Variants in TLL1 observed in about 807,000 individuals in gnomAD.
TLL1 encodes tolloid like 1, also known as tolloid-like protein 1.
A neutral mutation model predicts 128.2 loss-of-function variants in TLL1; 49 were observed. That is an observed-to-expected ratio of 0.38 (90% CI 0.30 to 0.48). The LOEUF is 0.48. Ranked by LOEUF, TLL1 falls within the 20% of genes least tolerant of loss-of-function variation. The pLI, the probability that TLL1 is intolerant of heterozygous loss-of-function variation, is 0.96. For missense variants in TLL1, 1,123 were observed against 1,242.0 expected, an observed-to-expected ratio of 0.90 and a Z score of 1.44; for synonymous variants, 454 against 418.8, an observed-to-expected ratio of 1.08 and a Z score of -1.03.
chr4:166,085,406 C>T (rs1579724042), intron 18 of TLL1, among the ~76,000 whole-genome samples: 1 of 151,380 alleles, frequency 6.6e-6, no homozygotes, highest in Non-Finnish European at 1.5e-5. Context: ...ATAATGTTAG[C>T]TGTGAGTTTG....
At chr4:166,086,840 G>T (rs1028388617) in intron 18 of TLL1, among the ~76,000 whole-genome samples, 2 of 151,970 alleles carry the variant, frequency 1.3e-5, no homozygotes, top group African/African-American at 2.4e-5. Context: ...TAAATGTTTG[G>T]CAGTCTGCTA....
At chr4:165,923,846 T>G (rs1428499324) in intron 1 of TLL1, among the ~76,000 whole-genome samples, 1 of 152,192 alleles carries the variant, frequency 6.6e-6, no homozygotes, top group Non-Finnish European at 1.5e-5. Flanking sequence ...TTTCTAACAA[T>G]ATGAGCTCGC....
chr4:165,959,729 G>C (rs555106637), intron 1 of TLL1, among the ~76,000 whole-genome samples: 1 of 152,186 alleles, frequency 6.6e-6, no homozygotes, highest in South Asian at 2.1e-4. Context: ...TAAACAACTT[G>C]CTCCTGAATG....
chr4:166,078,308 A>G (rs1741131689), intron 18 of TLL1, among the ~76,000 whole-genome samples: 1 of 152,208 alleles, frequency 6.6e-6, no homozygotes, highest in Non-Finnish European at 1.5e-5. Flanking sequence ...CTAATGTATT[A>G]CTGGTAATTA....
At chr4:165,945,978 A>G (rs1439421062) in intron 1 of TLL1, among the ~76,000 whole-genome samples, 1 of 152,190 alleles carries the variant, frequency 6.6e-6, no homozygotes, top group Non-Finnish European at 1.5e-5. Flanking sequence ...AGAAAACAGA[A>G]GAGTCAGTTG....
chr4:166,044,049 G>A (rs6842100), intron 12 of TLL1, among the ~76,000 whole-genome samples: 23,006 of 151,964 alleles, frequency 0.15, 2,105 homozygotes, highest in African/African-American at 0.26. Flanking sequence ...GAAAGGGACT[G>A]AGTTAAACAT....
At chr4:165,887,970 G>A (rs1469246210) in intron 1 of TLL1, among the ~76,000 whole-genome samples, 1 of 152,106 alleles carries the variant, frequency 6.6e-6, no homozygotes, top group Non-Finnish European at 1.5e-5. Context: ...ATGCAGAAAT[G>A]TGTTTGATTT....
intron 9 of TLL1, among the ~76,000 whole-genome samples, chr4:166,035,497 C>A (rs1055468524): frequency 1.3e-5 from 2 of 152,094 alleles, no homozygotes; most frequent in Non-Finnish European, 2.9e-5. Flanking sequence ...ATGGTGACCT[C>A]CCGTTTACAG....
At chr4:165,916,417 G>A (rs1279918018) in intron 1 of TLL1, among the ~76,000 whole-genome samples, 1 of 152,150 alleles carries the variant, frequency 6.6e-6, no homozygotes, top group African/African-American at 2.4e-5. Flanking sequence ...AGACGAAAAA[G>A]TTACTGAACT....
At chr4:165,904,754 C>T (rs1732169375) in intron 1 of TLL1, among the ~76,000 whole-genome samples, 1 of 152,188 alleles carries the variant, frequency 6.6e-6, no homozygotes, top group Non-Finnish European at 1.5e-5. Context: ...TTTCAATTCA[C>T]ATCTTTGATG....
Position 166,085,620 on chromosome 4 carries a change from G to A in TLL1, c.2443-5508G>A, listed in dbSNP as rs185295698. ...TGTTGAACCATCCTTGCATCCTTGG[G>A]ATGAATCCCACTTTATCATAGTGAA... On this transcript the variant is annotated intron_variant, in intron 18 of 20. Transcript: ENST00000061240. Among the ~76,000 whole-genome samples, 328 of 152,090 alleles carry A rather than the reference G, an allele frequency of 2.2e-3. 1 individual carries two copies. The highest frequency in any genetic ancestry group is 3.9e-3 in the Non-Finnish European group (266 of 67,948).
chr4:165,973,165 G>A (rs1249924517), intron 1 of TLL1, among the ~76,000 whole-genome samples: 1 of 152,110 alleles, frequency 6.6e-6, no homozygotes, highest in African/African-American at 2.4e-5. Flanking sequence ...AAAAGCTGAA[G>A]TCCCACGATA....
chr4:166,075,645 T>C (rs1041254173), intron 17 of TLL1, among the ~76,000 whole-genome samples: 3 of 152,160 alleles, frequency 2.0e-5, no homozygotes, highest in African/African-American at 7.2e-5. Flanking sequence ...GAACAATAAA[T>C]AGTTATTCAG....
intron 12 of TLL1, among the ~76,000 whole-genome samples, chr4:166,046,692 G>T (rs549683141): frequency 3.3e-4 from 50 of 152,282 alleles, no homozygotes; most frequent in African/African-American, 1.2e-3. Context: ...GTTCAGACAT[G>T]TATGGTGTAT....
chr4:166,078,289 CT>C (rs1741130972), intron 18 of TLL1, among the ~76,000 whole-genome samples: 1 of 152,070 alleles, frequency 6.6e-6, no homozygotes, highest in African/African-American at 2.4e-5. Context: ...AAACAGTAGT[CT>C]TTACTTCCTA....
At position 165,905,079 on chromosome 4, in the gene TLL1, G is replaced by T. The variant is rs74464374; in HGVS notation, c.169+31006G>T. 9.2e-3 allele frequency among the ~76,000 whole-genome samples: 1,402 copies of T among 152,322 alleles called. 24 individuals are homozygous for T. The highest frequency in any genetic ancestry group is 0.032 in the African/African-American group (1,311 of 41,564). ...GCCTGATAATAAATACCAAGTGTTA[G>T]TGAAGTAACTGCAGTGCTCATACAA... is the stretch of plus-strand genomic sequence containing the variant. On this transcript the variant is annotated intron_variant, in intron 1 of 20. Coordinates refer to ENST00000061240, the MANE Select transcript of TLL1 (RefSeq NM_012464.5).
chr4:165,882,653 T>G, intron 1 of TLL1, among the ~76,000 whole-genome samples: 1 of 152,130 alleles, frequency 6.6e-6, no homozygotes, highest in Admixed American at 6.5e-5. Context: ...GGTTTTGCTC[T>G]TGTTGCCCAG....
intron 1 of TLL1, among the ~76,000 whole-genome samples, chr4:165,884,137 G>A (rs1290493547): frequency 4.6e-5 from 7 of 152,280 alleles, no homozygotes; most frequent in South Asian, 4.1e-4. Context: ...AGATTTACCC[G>A]AGGGATTTAC....
intron 13 of TLL1, among the ~76,000 whole-genome samples, chr4:166,056,295 A>C (rs989678333): frequency 1.3e-5 from 2 of 152,034 alleles, no homozygotes; most frequent in African/African-American, 2.4e-5. Context: ...TAATTTCTTC[A>C]GAGGATGTTT....
Sources: gnomAD v4.1 joint callset for allele counts (sites outside exome capture counted in the v4.1 genomes callset) on GRCh38, gnomAD v4.1.1 for gene constraint, MANE v1.5 for transcripts, NCBI Gene and HGNC (gene_info 2026-07-23, HGNC 2026-07-21) for gene names.